ARSI: variants seen among roughly 807,000 people sequenced by gnomAD.
ARSI encodes the protein arylsulfatase I.
ARSI carries 37 observed loss-of-function variants against 42.1 expected under a neutral mutation model. The ratio of observed to expected loss-of-function variants is 0.88; its 90% CI spans 0.68 to 1.16. ARSI has a LOEUF of 1.16. Ranked by LOEUF, ARSI falls within the 50% of genes most tolerant of loss-of-function variation. ARSI has a pLI of 0.00. For missense variants in ARSI, 725 were observed against 790.1 expected, an observed-to-expected ratio of 0.92 and a Z score of 0.99; for synonymous variants, 305 against 320.3, an observed-to-expected ratio of 0.95 and a Z score of 0.51.
At chr5:150,300,087 C>A (rs764984503) in intron 1 of ARSI, among the ~76,000 whole-genome samples, 3 of 152,128 alleles carry the variant, frequency 2.0e-5, no homozygotes, top group Non-Finnish European at 2.9e-5. Context: ...TTAATCCAAG[C>A]CCTGAATACC....
chr5:150,302,280 G>C lies in ARSI; in HGVS notation c.94C>G (p.Pro32Ala). Residue 32 changes from proline to alanine, a missense_variant, in exon 1 of 2, where the codon CCC becomes GCC. Physicochemically the swap from Pro to Ala is conservative, Grantham distance 27. Transcript: ENST00000328668. The surrounding 1 kb of genome is among the most constrained non-coding windows in gnomAD (Gnocchi z 6.1). The part of the protein sequence containing the change: ...WAKPSFVADG[P>A]GEAGEQPSAA... The stretch of plus-strand genomic sequence containing the variant: ...GAGGGCTGCTCGCCAGCCTCCCCGG[G>C]CCCGTCGGCCACGAAGCTCGGCTTG... The C allele has an allele frequency of 6.2e-7, 1 of 1,605,986 alleles. No individual in the cohort carries two copies. Among genetic ancestry groups the C allele is most frequent in the Non-Finnish European group, 8.5e-7 (1 of 1,177,228 alleles).
At position 150,297,106 on chromosome 5, in the gene ARSI, C is replaced by T. The variant is rs111905171; in HGVS notation, c.*108G>A. The T allele has an allele frequency of 2.7e-4, 346 of 1,288,508 alleles. 1 individual carries two copies. The African/African-American group carries it at 4.3e-3, about 16-fold the overall frequency. 79.8% of individuals were successfully genotyped at this position (1,288,508 alleles called of 1,614,324 possible). On this transcript the variant is annotated 3_prime_UTR_variant, in exon 2 of 2. Coordinates refer to ENST00000328668, the MANE Select transcript of ARSI (RefSeq NM_001012301.4). This position sits in a 1 kb window ranked among gnomAD's most constrained non-coding sequence, Gnocchi z 7.0. ...CTGTTCAACCAAGGGACTCTACACC[C>T]TCCAACTCCCTGTAGATGGAGATGT...
In ARSI at chr5:150,298,134, C is replaced by A; in HGVS notation, c.790G>T (p.Ala264Ser). The A allele has an allele frequency of 6.2e-7, 1 of 1,613,848 alleles. No individual in the cohort carries two copies. The highest frequency in any genetic ancestry group is 8.5e-7 in the Non-Finnish European group (1 of 1,180,024). Residue 264 changes from alanine to serine, a missense_variant, in exon 2 of 2, where the codon GCG becomes TCG. Coordinates refer to ENST00000328668, the MANE Select transcript of ARSI (RefSeq NM_001012301.4). ...TCATCCATGCAGGTCACCATGGCCG[C>A]GTACTTCCGCCGGGCCACATTGCCC... Reference protein sequence around the residue: ...TMGNVARRKYAAMVTCMDEAV... With the variant: ...TMGNVARRKYSAMVTCMDEAV...
rs182819982 is a variant in ARSI, at chr5:150,300,481, C to T, written c.311+1582G>A. 1.7e-3 allele frequency among the ~76,000 whole-genome samples: 266 copies of T among 152,292 alleles called. 2 individuals carry two copies. The highest frequency in any genetic ancestry group is 4.4e-3 in the South Asian group (21 of 4,824). On this transcript the variant is annotated intron_variant, in intron 1 of 1. Transcript: ENST00000328668. Reference sequence around the variant, plus strand: ...GAGAAGCACCCTAGGGCCCTGAGTCCCAACTGGGCCGGTCTTCATAGAGGT... The same window carrying T: ...GAGAAGCACCCTAGGGCCCTGAGTCTCAACTGGGCCGGTCTTCATAGAGGT...
Position 150,297,454 on chromosome 5 carries a change from A to G in ARSI, c.1470T>C (p.Ala490=), listed in dbSNP as rs1312970775. ...QRPDVVRTLL[A]RLAEYNRTAI... ...CTGTGCGGTTATATTCGGCCAGGCG[A>G]GCCAGCAGGGTGCGGACCACATCAG... The change falls in exon 2 of 2, where the codon GCT becomes GCC. Residue 490 remains alanine, a synonymous_variant. Coordinates refer to ENST00000328668, the MANE Select transcript of ARSI (RefSeq NM_001012301.4). The surrounding 1 kb of genome is among the most constrained non-coding windows in gnomAD (Gnocchi z 7.0). 2 of 1,611,626 alleles carry G rather than the reference A, an allele frequency of 1.2e-6. No homozygotes were observed. Among genetic ancestry groups the G allele is most frequent in the Non-Finnish European group, 1.7e-6 (2 of 1,178,702 alleles).
In ARSI at chr5:150,298,487, C is replaced by T. The variant is rs1432441331; in HGVS notation, c.437G>A (p.Gly146Asp). 5 of 1,614,078 alleles carry T rather than the reference C, an allele frequency of 3.1e-6. No homozygotes were observed. Among genetic ancestry groups the T allele is most frequent in the Non-Finnish European group, 4.2e-6 (5 of 1,180,052 alleles). Residue 146 changes from glycine (G) to aspartate (D), a missense_variant, in exon 2 of 2, where the codon GGC (glycine) becomes GAC (aspartate). Transcript: ENST00000328668. ...CCGGTAGAAGCCCAGGTGCCACTTGCCCACCATATGGGTGGAATAACCTGC... is the reference window on the plus strand; with the variant it reads ...CCGGTAGAAGCCCAGGTGCCACTTGTCCACCATATGGGTGGAATAACCTGC... ...QEAGYSTHMV[G>D]KWHLGFYRKE... is the part of the protein sequence containing the mutation.
chr5:150,297,253 GA>G lies in ARSI; in HGVS notation c.1670del (p.Phe557SerfsTer8), dbSNP rs1323444659. 2.5e-6 allele frequency: 4 copies of G among 1,591,264 alleles called. No homozygotes were observed. The highest frequency in any genetic ancestry group is 2.7e-5 in the African/African-American group (2 of 74,190). ...ACATTAGCCTGGTGTTGAGTTTACG[GA>G]AAAAGGATCGAAGCTTGCAAATCTT... ...KCKICKLRSFFRKLNTRLMSQ... is the reference protein window; with the variant it reads ...KCKICKLRSFXRKLNTRLMSQ... On this transcript the variant is annotated frameshift_variant, in exon 2 of 2. Coordinates refer to ENST00000328668, the MANE Select transcript of ARSI (RefSeq NM_001012301.4). LOFTEE classifies it high-confidence loss of function. This position sits in a 1 kb window ranked among gnomAD's most constrained non-coding sequence, Gnocchi z 7.0.
At chr5:150,300,504 G>C (rs1335738548) in intron 1 of ARSI, among the ~76,000 whole-genome samples, 1 of 152,224 alleles carries the variant, frequency 6.6e-6, no homozygotes, top group Admixed American at 6.5e-5. Context: ...TCTTCATAGA[G>C]GTGGGGTGCT....
At position 150,298,328 on chromosome 5, in the gene ARSI, A is replaced by G. The variant is rs764479319; in HGVS notation, c.596T>C (p.Val199Ala). The G allele has an allele frequency of 1.9e-6, 3 of 1,614,018 alleles. No homozygotes were observed. Among genetic ancestry groups the G allele is most frequent in the South Asian group, 1.1e-5 (1 of 91,080 alleles). ...GTACTGGCCGCTGAGCCCCCAGGCCACATTCTCACCCTCGTGCAGGTCGAA... is the reference window on the plus strand; with the variant it reads ...GTACTGGCCGCTGAGCCCCCAGGCCGCATTCTCACCCTCGTGCAGGTCGAA... ...CGFDLHEGEN[V>A]AWGLSGQYST... The change falls in exon 2 of 2, where the codon GTG becomes GCG. Residue 199 changes from valine (V) to alanine (A), a missense_variant. Val to Ala is a moderately conservative substitution (Grantham distance 64, BLOSUM62 0). Transcript: ENST00000328668.
Position 150,297,359 on chromosome 5 carries a change from G to A in ARSI, c.1565C>T (p.Pro522Leu). Residue 522 changes from proline (P) to leucine (L), a missense_variant, in exon 2 of 2, where the codon CCC becomes CTC. By Grantham distance (98) the Pro-to-Leu change is moderately conservative. Coordinates refer to ENST00000328668, the MANE Select transcript of ARSI (RefSeq NM_001012301.4). The surrounding 1 kb of genome is among the most constrained non-coding windows in gnomAD (Gnocchi z 7.0). ...HPDFNGGAWG[P>L]WASDEEEEEE... ...CTCCTCTTCCTCATCACTGGCCCAG[G>A]GCCCCCAAGCACCCCCATTAAAGTC... The A allele has an allele frequency of 1.2e-6, 2 of 1,613,186 alleles. No individual in the cohort carries two copies. Among genetic ancestry groups the A allele is most frequent in the Non-Finnish European group, 1.7e-6 (2 of 1,179,608 alleles).
Position 150,302,625 on chromosome 5 carries a change from C to G in ARSI, c.-252G>C. The G allele has an allele frequency of 2.8e-6, 1 of 357,090 alleles. No homozygotes were observed. Among genetic ancestry groups the G allele is most frequent in the Non-Finnish European group, 5.0e-6 (1 of 200,718 alleles). The allele number at this position is 357,090 out of a possible 1,614,324, so 22.1% of individuals were successfully genotyped here. On this transcript the variant is annotated 5_prime_UTR_variant, in exon 1 of 2. Transcript: ENST00000328668. This position sits in a 1 kb window ranked among gnomAD's most constrained non-coding sequence, Gnocchi z 6.1. ...CCGCTGCCTAAGCGCAGGCCCTGCG[C>G]CGCCTTTGCTCCCTCTTCCCCAGCT...
In ARSI at chr5:150,297,684, C is replaced by A. The variant is rs745663592; in HGVS notation, c.1240G>T (p.Ala414Ser). 4.8e-5 allele frequency: 77 copies of A among 1,613,322 alleles called. No homozygotes were observed. Among genetic ancestry groups the A allele is most frequent in the Non-Finnish European group, 5.8e-5 (68 of 1,180,024 alleles). ...LEGGFGIWNT[A>S]VQAAIRVGEW... Reference sequence around the variant, plus strand: ...CCCACGCGGATGGCAGCCTGCACGGCGGTGTTCCAGATGCCAAAGCCGCCC... The same window carrying A: ...CCCACGCGGATGGCAGCCTGCACGGAGGTGTTCCAGATGCCAAAGCCGCCC... The change falls in exon 2 of 2, where the codon GCC becomes TCC. Residue 414 changes from alanine (A) to serine (S), a missense_variant. By Grantham distance (99) the Ala-to-Ser change is moderately conservative. Transcript: ENST00000328668. This position sits in a 1 kb window ranked among gnomAD's most constrained non-coding sequence, Gnocchi z 7.0.
At chr5:150,299,714 T>C (rs1437697953) in intron 1 of ARSI, among the ~76,000 whole-genome samples, 2 of 152,080 alleles carry the variant, frequency 1.3e-5, no homozygotes, top group African/African-American at 4.8e-5. Context: ...CTGCCGTATC[T>C]CTTCCCACAT....
rs756696845 is a variant in ARSI at position 150,297,589 on chromosome 5, GA to G, written c.1334del (p.Phe445SerfsTer120). 6.2e-7 allele frequency: 1 copy of G among 1,610,664 alleles called. No individual in the cohort carries two copies. Among genetic ancestry groups the G allele is most frequent in the South Asian group, 1.1e-5 (1 of 90,694 alleles). On this transcript the variant is annotated frameshift_variant, in exon 2 of 2. Transcript: ENST00000328668. LOFTEE classifies it high-confidence loss of function. This position sits in a 1 kb window ranked among gnomAD's most constrained non-coding sequence, Gnocchi z 7.0. ...GTTCCAGGTTCCACCAGCTACCCGGGAAGGTGGCCAGTGTCTGCGGTGGGAT... is the reference window on the plus strand; with the variant it reads ...GTTCCAGGTTCCACCAGCTACCCGGGAGGTGGCCAGTGTCTGCGGTGGGAT... ...DWIPPQTLAT[F>X]PGSWWNLERM...
At position 150,297,282 on chromosome 5, in the gene ARSI, A is replaced by AT. The variant is rs751790658; in HGVS notation, c.1641dup (p.Cys548MetfsTer12). 3.1e-6 allele frequency: 5 copies of AT among 1,607,668 alleles called. No individual in the cohort carries two copies. The highest frequency in any genetic ancestry group is 1.7e-6 in the Non-Finnish European group (2 of 1,177,504). ...AAGGATCGAAGCTTGCAAATCTTGCATTTTTTCTTGCGACGACCCCGGGAG... is the reference window on the plus strand; with the variant it reads ...AAGGATCGAAGCTTGCAAATCTTGCATTTTTTTCTTGCGACGACCCCGGGAG... On this transcript the variant is annotated frameshift_variant, in exon 2 of 2. Transcript: ENST00000328668. LOFTEE classifies it high-confidence loss of function. This position sits in a 1 kb window ranked among gnomAD's most constrained non-coding sequence, Gnocchi z 7.0.
In ARSI at chr5:150,302,024, G is replaced by C; in HGVS notation, c.311+39C>G. On this transcript the variant is annotated intron_variant, in intron 1 of 1. Transcript: ENST00000328668. This position sits in a 1 kb window ranked among gnomAD's most constrained non-coding sequence, Gnocchi z 6.1. ...AATCTATCAACTGGGTTGATTTGGG[G>C]TTTAGATGCCCAGCCCCGGGGCCTT... The C allele has an allele frequency of 6.6e-7, 1 of 1,523,744 alleles. No homozygotes were observed. The highest frequency in any genetic ancestry group is 8.8e-7 in the Non-Finnish European group (1 of 1,133,036). The allele number at this position is 1,523,744 out of a possible 1,614,324, so 94.4% of individuals were successfully genotyped here.
At chr5:150,298,937 T>C (rs531235065) in intron 1 of ARSI, among the ~76,000 whole-genome samples, 17 of 152,236 alleles carry the variant, frequency 1.1e-4, no homozygotes, top group African/African-American at 3.6e-4. Context: ...ATAATGACAA[T>C]AATAATAGCT....
rs774801277 is a variant in ARSI, at chr5:150,302,087, G to T, written c.287C>A (p.Ser96Ter). Residue 96 changes from serine to a stop codon, truncating the protein, a stop_gained, in exon 1 of 2, where the codon TCG (serine) becomes TAG (stop). Coordinates refer to ENST00000328668, the MANE Select transcript of ARSI (RefSeq NM_001012301.4). LOFTEE classifies it low-confidence loss of function (END_TRUNC). This position sits in a 1 kb window ranked among gnomAD's most constrained non-coding sequence, Gnocchi z 6.1. Reference sequence around the variant, plus strand: ...CCTGCCAGTGAGGAGCTGGCTCCGCGAAGGCGTGCAGATGGGCTGGATGTA... The same window carrying T: ...CCTGCCAGTGAGGAGCTGGCTCCGCTAAGGCGTGCAGATGGGCTGGATGTA... ...NYYIQPICTPSRSQLLTGRYQ... is the reference protein window; with the variant it reads ...NYYIQPICTP 84 of 1,599,894 alleles carry T rather than the reference G, an allele frequency of 5.3e-5. No homozygotes were observed. Among genetic ancestry groups the T allele is most frequent in the Non-Finnish European group, 6.8e-5 (80 of 1,173,574 alleles).
chr5:150,300,081 T>G (rs12522210), intron 1 of ARSI, among the ~76,000 whole-genome samples: 133,528 of 152,132 alleles, frequency 0.88, 58,901 homozygotes, highest in Non-Finnish European at 0.93. Flanking sequence ...TCCAAATTAA[T>G]CCAAGCCCTG....
Sources: allele counts gnomAD v4.1 joint callset (sites outside exome capture counted in the v4.1 genomes callset), GRCh38; gene constraint gnomAD v4.1.1; non-coding constraint Gnocchi (gnomAD v3.1); transcripts MANE v1.5; gene names NCBI Gene and HGNC (gene_info 2026-07-23, HGNC 2026-07-21).